CACNB4: variants seen among roughly 807,000 people sequenced by gnomAD.
CACNB4 encodes the protein voltage-dependent L-type calcium channel subunit beta-4.
Under a neutral mutation model 71.2 loss-of-function variants are expected in CACNB4, and 32 were observed. The observed-to-expected ratio is 0.45, with a 90% confidence interval of 0.34 to 0.60. The LOEUF is 0.60. Ranked by LOEUF, CACNB4 falls within the 20% of genes least tolerant of loss-of-function variation. CACNB4 has a pLI of 0.01. For synonymous variants in CACNB4, 231 were observed against 236.9 expected (o/e 0.97, Z 0.23); for missense variants, 464 against 647.9 (o/e 0.72, Z 3.08).
intron 2 of CACNB4, among the ~76,000 whole-genome samples, chr2:151,902,223 G>A (rs1304041323): frequency 6.6e-6 from 1 of 152,008 alleles, no homozygotes; most frequent in Non-Finnish European, 1.5e-5. Context: ...TAGAGACAGG[G>A]TCTCCCTATG....
At chr2:152,070,145 C>T (rs1686602818) in intron 2 of CACNB4, among the ~76,000 whole-genome samples, 1 of 152,064 alleles carries the variant, frequency 6.6e-6, no homozygotes, top group South Asian at 2.1e-4. Context: ...GCCTGGCCAA[C>T]TTCATCAATA....
intron 2 of CACNB4, among the ~76,000 whole-genome samples, chr2:151,983,807 G>A (rs2151753064): frequency 6.6e-6 from 1 of 151,874 alleles, no homozygotes; most frequent in South Asian, 2.1e-4. Context: ...AAAATAGCAA[G>A]ATCCAAATAA....
chr2:151,920,625 G>A (rs897720030), intron 2 of CACNB4, among the ~76,000 whole-genome samples: 6 of 151,562 alleles, frequency 4.0e-5, no homozygotes, highest in African/African-American at 1.5e-4. Flanking sequence ...ACTATGCCAG[G>A]CCCAGTCTAG....
rs567549082 is a variant in CACNB4, at chr2:151,835,644, T to A, written c.*3475A>T. The A allele has an allele frequency of 1.2e-4, 18 of 152,050 alleles. No homozygotes were observed. Among genetic ancestry groups the A allele is most frequent in the Admixed American group, 1.0e-3 (16 of 15,282 alleles). The allele number at this position is 152,050 out of a possible 1,614,324, so 9.4% of individuals were successfully genotyped here. The stretch of plus-strand genomic sequence containing the variant: ...TGGGTCTTAACAACATTTTGTGATA[T>A]GTTCATTTAAAGAATTTAAATTTGC... On this transcript the variant is annotated 3_prime_UTR_variant, in exon 14 of 14. Coordinates refer to ENST00000539935, the MANE Select transcript of CACNB4 (RefSeq NM_000726.5).
At chr2:152,043,562 C>T (rs1684984427) in intron 2 of CACNB4, among the ~76,000 whole-genome samples, 1 of 152,174 alleles carries the variant, frequency 6.6e-6, no homozygotes, top group Admixed American at 6.5e-5. Flanking sequence ...TCAAATGATC[C>T]TCCTGCCTCA....
At chr2:151,938,856 G>T (rs370725740) in intron 2 of CACNB4, among the ~76,000 whole-genome samples, 1 of 152,194 alleles carries the variant, frequency 6.6e-6, no homozygotes, top group East Asian at 1.9e-4. Context: ...CAATGGAAAG[G>T]TTCAAGGATT....
chr2:152,026,912 C>CT (rs60945553), intron 2 of CACNB4, among the ~76,000 whole-genome samples: 117,185 of 146,914 alleles, frequency 0.8, 47,752 homozygotes, highest in Middle Eastern at 0.9. Context: ...AATTATCTTT[C>CT]TTTTTTTTTT....
chr2:151,932,045 A>T (rs901136359), intron 2 of CACNB4, among the ~76,000 whole-genome samples: 1 of 152,182 alleles, frequency 6.6e-6, no homozygotes, highest in East Asian at 1.9e-4. Context: ...AGAAGGAGAG[A>T]CACCAGGCTG....
At chr2:152,096,334 G>A (rs2105491440) in intron 2 of CACNB4, among the ~76,000 whole-genome samples, 1 of 151,510 alleles carries the variant, frequency 6.6e-6, no homozygotes, top group African/African-American at 2.4e-5. Flanking sequence ...ATACAAAAAA[G>A]TTAGCCAGGC....
At chr2:152,060,708 C>T (rs1046427967) in intron 2 of CACNB4, among the ~76,000 whole-genome samples, 3 of 152,126 alleles carry the variant, frequency 2.0e-5, no homozygotes, top group African/African-American at 7.2e-5. Flanking sequence ...AAATCTCCAG[C>T]AACAGGGGCA....
intron 2 of CACNB4, among the ~76,000 whole-genome samples, chr2:152,054,365 CAAAAAAAAAAAAA>C (rs34291036): frequency 1.2e-5 from 1 of 85,182 alleles, no homozygotes; most frequent in Non-Finnish European, 2.3e-5. Context: ...AACTCCGTCT[CAAAAAAAAAAAAA>C]AAAAAAAAAA....
rs193018484 is a variant in CACNB4 at position 151,924,331 on chromosome 2, C to G, written c.148-40961G>C. On this transcript the variant is annotated intron_variant, in intron 2 of 13. Transcript: ENST00000539935. ...CTGACCTCGTGATCTGCCCGCCTCGCCCTCCCAAAGTGTATTCTGAAATCT... is the reference window on the plus strand; with the variant it reads ...CTGACCTCGTGATCTGCCCGCCTCGGCCTCCCAAAGTGTATTCTGAAATCT... 4.8e-4 allele frequency among the ~76,000 whole-genome samples: 72 copies of G among 151,442 alleles called. 1 individual carries two copies. Among genetic ancestry groups the G allele is most frequent in the East Asian group, 3.7e-3 (19 of 5,152 alleles).
chr2:151,878,628 A>ATTAGATAGTGTAGTG (rs58966024), intron 4 of CACNB4, among the ~76,000 whole-genome samples: 1 of 151,542 alleles, frequency 6.6e-6, no homozygotes. Flanking sequence ...GTACTACACA[A>ATTAGATAGTGTAGTG]TACTACACCA....
chr2:152,009,218 A>G (rs889133139), intron 2 of CACNB4, among the ~76,000 whole-genome samples: 2 of 151,912 alleles, frequency 1.3e-5, no homozygotes, highest in African/African-American at 2.4e-5. Flanking sequence ...AGAAAGAAAG[A>G]AAGGAAAAAG....
chr2:152,005,622 C>T lies in CACNB4; in HGVS notation c.147+92708G>A, dbSNP rs139326763. Among the ~76,000 whole-genome samples the T allele has an allele frequency of 2.6e-4, 39 of 152,268 alleles. No individual in the cohort carries two copies. In the East Asian group the frequency reaches 7.1e-3, roughly 28 times the overall value. ...CACAAACCTCAGCACCACACAACCT[C>T]GTCCTTGGAACAAACCTGCACATGT... is the stretch of plus-strand genomic sequence containing the variant. On this transcript the variant is annotated intron_variant, in intron 2 of 13. Transcript: ENST00000539935.
intron 3 of CACNB4, among the ~76,000 whole-genome samples, chr2:151,882,131 G>GCCTCCCAAAGT (rs1553759965): frequency 6.8e-6 from 1 of 147,076 alleles, no homozygotes; most frequent in Non-Finnish European, 1.5e-5. Flanking sequence ...TGCCCGCCTC[G>GCCTCCCAAAGT]GCCTCCCAAA....
intron 2 of CACNB4, among the ~76,000 whole-genome samples, chr2:151,956,493 T>C (rs1429994414): frequency 6.6e-6 from 1 of 152,118 alleles, no homozygotes; most frequent in East Asian, 1.9e-4. Flanking sequence ...AAGAGGCAAA[T>C]GCACAAACAC....
chr2:151,935,453 C>T (rs2099862699), intron 2 of CACNB4, among the ~76,000 whole-genome samples: 1 of 152,182 alleles, frequency 6.6e-6, no homozygotes, highest in African/African-American at 2.4e-5. Context: ...ATCATGTTGT[C>T]TCTGAATATG....
At chr2:151,875,978 T>A (rs11691529) in intron 5 of CACNB4, among the ~76,000 whole-genome samples, 2 of 70,182 alleles carry the variant, frequency 2.8e-5, no homozygotes, top group Admixed American at 1.3e-4. Flanking sequence ...GGGGGCTGAC[T>A]CCCCCACCTC....
Sources: gnomAD v4.1 joint callset for allele counts (sites outside exome capture counted in the v4.1 genomes callset) on GRCh38, gnomAD v4.1.1 for gene constraint, MANE v1.5 for transcripts, NCBI Gene and HGNC (gene_info 2026-07-23, HGNC 2026-07-21) for gene names.